The following BACE2 variants were observed in gnomAD, a reference collection of about 807,000 sequenced individuals.
BACE2 encodes beta-secretase 2.
A neutral mutation model predicts 46.2 loss-of-function variants in BACE2; 17 were observed. The ratio of observed to expected loss-of-function variants is 0.37; its 90% CI spans 0.25 to 0.55. The LOEUF (loss-of-function observed/expected upper bound fraction) is 0.55. BACE2 is among the 20% of genes least tolerant of loss of function. The pLI is 0.82. For missense variants in BACE2, 595 were observed against 698.1 expected (o/e 0.85, Z 1.66); for synonymous variants, 277 against 295.9 (o/e 0.94, Z 0.66).
At chr21:41,197,672 A>C (rs73364441) in intron 1 of BACE2, among the ~76,000 whole-genome samples, 7,077 of 152,244 alleles carry the variant, frequency 0.046, 556 homozygotes, top group African/African-American at 0.16. Context: ...AAAAAATGGA[A>C]ATAAGCCGTA....
At position 41,168,496 on chromosome 21, in the gene BACE2, T is replaced by C; in HGVS notation, c.233T>C (p.Leu78Ser). Reference sequence around the variant, plus strand: ...TCCCCCGCGGGCGCCGCCAACTTCTTGGCCATGGTAGACAACCTGCAGGGG... The same window carrying C: ...TCCCCCGCGGGCGCCGCCAACTTCTCGGCCATGGTAGACAACCTGCAGGGG... Reference protein sequence around the residue: ...LASPAGAANFLAMVDNLQGDS... With the variant: ...LASPAGAANFSAMVDNLQGDS... Residue 78 changes from leucine (L) to serine (S), a missense_variant, in exon 1 of 9, where the codon TTG becomes TCG. By Grantham distance (145) the Leu-to-Ser change is moderately radical. Transcript: ENST00000330333. 1 of 1,387,442 alleles carries C rather than the reference T, an allele frequency of 7.2e-7. No homozygotes were observed. The highest frequency in any genetic ancestry group is 9.4e-7 in the Non-Finnish European group (1 of 1,066,530). 85.9% of individuals were successfully genotyped at this position (1,387,442 alleles called of 1,614,324 possible).
Position 41,196,452 on chromosome 21 carries a change from C to T in BACE2, c.312+27877C>T, listed in dbSNP as rs534980686. 1.4e-4 allele frequency among the ~76,000 whole-genome samples: 22 copies of T among 152,232 alleles called. 1 individual carries two copies. The South Asian group carries it at 4.1e-3, about 29-fold the overall frequency. ...TGTCATAGCAAATGATTAGAAATAA[C>T]CCACGTGTGCCTCAAAAGGGGACTG... On this transcript the variant is annotated intron_variant, in intron 1 of 8. Transcript: ENST00000330333.
intron 4 of BACE2, among the ~76,000 whole-genome samples, chr21:41,242,301 A>G (rs1342480868): frequency 2.0e-5 from 3 of 152,014 alleles, no homozygotes; most frequent in African/African-American, 7.2e-5. Flanking sequence ...AGGAGAGTTC[A>G]TAAATTTGGC....
At chr21:41,170,121 G>T (rs1984551266) in intron 1 of BACE2, among the ~76,000 whole-genome samples, 1 of 151,964 alleles carries the variant, frequency 6.6e-6, no homozygotes, top group African/African-American at 2.4e-5. Flanking sequence ...TGGTCTGAGG[G>T]CTATGATAAA....
intron 8 of BACE2, among the ~76,000 whole-genome samples, chr21:41,272,028 G>C (rs536551028): frequency 1.3e-5 from 2 of 151,778 alleles, no homozygotes; most frequent in Non-Finnish European, 2.9e-5. Context: ...CTCAGCTTGT[G>C]TATGACTGAA....
At chr21:41,222,314 G>T (rs1275646578) in intron 1 of BACE2, among the ~76,000 whole-genome samples, 1 of 152,230 alleles carries the variant, frequency 6.6e-6, no homozygotes, top group East Asian at 1.9e-4. Context: ...GCACAGGCCG[G>T]CAGGAGACTG....
intron 1 of BACE2, among the ~76,000 whole-genome samples, chr21:41,172,303 G>A (rs1984633994): frequency 6.6e-6 from 1 of 152,208 alleles, no homozygotes; most frequent in African/African-American, 2.4e-5. Flanking sequence ...AACAAGGAGG[G>A]ACAGGAGTCT....
At chr21:41,267,606 A>G (rs770877811) in intron 8 of BACE2, among the ~76,000 whole-genome samples, 6 of 152,214 alleles carry the variant, frequency 3.9e-5, no homozygotes, top group Non-Finnish European at 8.8e-5. Context: ...CTCATGTTTA[A>G]AAATAGCAGA....
rs141239597 is a variant in BACE2 at position 41,193,220 on chromosome 21, C to T, written c.312+24645C>T. On this transcript the variant is annotated intron_variant, in intron 1 of 8. Coordinates refer to ENST00000330333, the MANE Select transcript of BACE2 (RefSeq NM_012105.5). This position sits in a 1 kb window ranked among gnomAD's most constrained non-coding sequence, Gnocchi z 4.2. Reference sequence around the variant, plus strand: ...GAGGTAGGACAGTAAAGGTGTATTGCCGGCCTTGCCAGCGGAAGGCAAATT... The same window carrying T: ...GAGGTAGGACAGTAAAGGTGTATTGTCGGCCTTGCCAGCGGAAGGCAAATT... 7.6e-3 allele frequency among the ~76,000 whole-genome samples: 1,159 copies of T among 152,304 alleles called. 11 individuals are homozygous for T. The highest frequency in any genetic ancestry group is 0.026 in the African/African-American group (1,092 of 41,564).
rs796974159 is a variant in BACE2, at chr21:41,278,100, C to T, written c.*2476C>T. The T allele has an allele frequency of 1.6e-4, 25 of 152,266 alleles. No homozygotes were observed. The highest frequency in any genetic ancestry group is 6.0e-4 in the African/African-American group (25 of 41,538). 9.4% of individuals were successfully genotyped at this position (152,266 alleles called of 1,614,324 possible). On this transcript the variant is annotated 3_prime_UTR_variant, in exon 9 of 9. Transcript: ENST00000330333. ...TTGGAACAGGAAAGGAATTAACAAC[C>T]CTTTGAGGGTGTCATTTTTACCTTG...
In BACE2 at chr21:41,193,551, T is replaced by C. The variant is rs1238977513; in HGVS notation, c.312+24976T>C. On this transcript the variant is annotated intron_variant, in intron 1 of 8. Coordinates refer to ENST00000330333, the MANE Select transcript of BACE2 (RefSeq NM_012105.5). This position sits in a 1 kb window ranked among gnomAD's most constrained non-coding sequence, Gnocchi z 4.2. Reference sequence around the variant, plus strand: ...CTCCACAATCCCTTCAGGGATGTGATACTGTTTTTGATTTACTATTTTTCT... The same window carrying C: ...CTCCACAATCCCTTCAGGGATGTGACACTGTTTTTGATTTACTATTTTTCT... 6.6e-6 allele frequency among the ~76,000 whole-genome samples: 1 copy of C among 152,226 alleles called. No individual in the cohort carries two copies. Among genetic ancestry groups the C allele is most frequent in the East Asian group, 1.9e-4 (1 of 5,200 alleles).
Position 41,168,383 on chromosome 21 carries a change from C to T in BACE2, c.120C>T (p.Asn40=). Residue 40 remains asparagine, a synonymous_variant, in exon 1 of 9, where the codon AAC becomes AAT. Transcript: ENST00000330333. ...TLPLRVAAAT[N]RVVAPTPGPG... ...CCCTCCGGGTGGCCGCGGCCACGAACCGCGTAGTTGCGCCCACCCCGGGAC... is the reference window on the plus strand; with the variant it reads ...CCCTCCGGGTGGCCGCGGCCACGAATCGCGTAGTTGCGCCCACCCCGGGAC... 1.4e-6 allele frequency: 2 copies of T among 1,411,726 alleles called. No homozygotes were observed. The highest frequency in any genetic ancestry group is 1.9e-6 in the Non-Finnish European group (2 of 1,079,566). The allele number at this position is 1,411,726 out of a possible 1,614,324, so 87.4% of individuals were successfully genotyped here. A position where few individuals can be genotyped will look rare whatever the true frequency, so the allele number is the denominator to read the frequency against.
intron 3 of BACE2, among the ~76,000 whole-genome samples, chr21:41,240,164 C>G (rs1411684037): frequency 6.6e-6 from 1 of 152,238 alleles, no homozygotes; most frequent in Non-Finnish European, 1.5e-5. Flanking sequence ...GCTGGGCAGA[C>G]TGCCCACAGG....
intron 1 of BACE2, chr21:41,176,906 A>G (rs1168170113): frequency 6.6e-6 from 1 of 152,236 alleles, no homozygotes; most frequent in Non-Finnish European, 1.5e-5. Context: ...CAGATAGTCC[A>G]TTCTTCTACA....
intron 1 of BACE2, among the ~76,000 whole-genome samples, chr21:41,222,406 T>C (rs1986686006): frequency 6.6e-6 from 1 of 152,112 alleles, no homozygotes; most frequent in African/African-American, 2.4e-5. Context: ...AAGGGAGCGA[T>C]GGGCCGTGCC....
chr21:41,255,690 T>C (rs1987766279), intron 7 of BACE2, among the ~76,000 whole-genome samples: 1 of 152,144 alleles, frequency 6.6e-6, no homozygotes, highest in African/African-American at 2.4e-5. Flanking sequence ...CCTCAGCAGA[T>C]AACTGCTGGG....
At chr21:41,254,314 G>A (rs1016077114) in intron 7 of BACE2, among the ~76,000 whole-genome samples, 1 of 152,134 alleles carries the variant, frequency 6.6e-6, no homozygotes, top group Non-Finnish European at 1.5e-5. Flanking sequence ...CTGCTCTTCA[G>A]TGTGGTCACA....
intron 7 of BACE2, among the ~76,000 whole-genome samples, chr21:41,253,172 T>C (rs554824509): frequency 6.6e-6 from 1 of 152,326 alleles, no homozygotes; most frequent in Non-Finnish European, 1.5e-5. Context: ...CCGGGCGCAG[T>C]GGCTCATGCC....
intron 8 of BACE2, among the ~76,000 whole-genome samples, chr21:41,260,232 C>T (rs1361897616): frequency 1.3e-5 from 2 of 152,184 alleles, no homozygotes; most frequent in Admixed American, 6.5e-5. Context: ...GCAGCCTTCA[C>T]CTCCCAGGCT....
Sources: gnomAD v4.1 joint callset for allele counts (sites outside exome capture counted in the v4.1 genomes callset) on GRCh38, gnomAD v4.1.1 for gene constraint, Gnocchi (gnomAD v3.1) non-coding constraint, MANE v1.5 for transcripts, NCBI Gene and HGNC (gene_info 2026-07-23, HGNC 2026-07-21) for gene names.